Variants in ZNF544 observed in about 807,000 individuals in gnomAD.
ZNF544 encodes zinc finger protein AF020591.
In ZNF544, 10 loss-of-function variants were observed where a neutral mutation model predicts 13.5. That is an observed-to-expected ratio of 0.74 (90% confidence interval 0.46 to 1.25). ZNF544 has a LOEUF of 1.25. ZNF544 is among the 50% of genes most tolerant of loss of function. The pLI, the probability that ZNF544 is intolerant of heterozygous loss-of-function variation, is 0.00. For synonymous variants in ZNF544, 323 were observed against 300.5 expected (o/e 1.07, Z -0.77); for missense variants, 896 against 845.6 (o/e 1.06, Z -0.74).
At chr19:58,269,134 C>T (rs775581007) in intron 5 of ZNF544, among the ~76,000 whole-genome samples, 6 of 152,156 alleles carry the variant, frequency 3.9e-5, no homozygotes, top group East Asian at 1.9e-4. Context: ...GAGAACACCA[C>T]GACTAAAAAC....
At chr19:58,277,430 TAAC>T (rs1460957608) in exon 7 of ZNF544, 5 of 410,384 alleles carry the variant, frequency 1.2e-5, no homozygotes, top group Non-Finnish European at 1.7e-5. Flanking sequence ...GGTGAGCAAA[TAAC>T]AAGTAACTAT....
chr19:58,270,578 G>T (rs1678483907), intron 5 of ZNF544, among the ~76,000 whole-genome samples: 1 of 152,138 alleles, frequency 6.6e-6, no homozygotes, highest in Non-Finnish European at 1.5e-5. Context: ...GGGATTACAG[G>T]GATGAGCCAT....
At chr19:58,242,367 T>C in intron 3 of ZNF544, 4 of 813,056 alleles carry the variant, frequency 4.9e-6, no homozygotes, top group Non-Finnish European at 5.9e-6. Flanking sequence ...ATTCATGGCT[T>C]GATACTTGAT....
At chr19:58,270,013 C>T (rs2449632) in intron 5 of ZNF544, among the ~76,000 whole-genome samples, 79,157 of 151,868 alleles carry the variant, frequency 0.52, 20,944 homozygotes, top group Middle Eastern at 0.64. Flanking sequence ...AGGAATAGGG[C>T]AAGAAAAGGA....
chr19:58,241,249 C>G (rs936675775), intron 3 of ZNF544, among the ~76,000 whole-genome samples: 7 of 106,968 alleles, frequency 6.5e-5, no homozygotes, highest in Non-Finnish European at 1.2e-4. Flanking sequence ...TGGGCTCAAA[C>G]GATGCTTCCG....
intron 3 of ZNF544, chr19:58,242,388 AT>A (rs796487364): frequency 0.072 from 37,697 of 523,550 alleles, no homozygotes; most frequent in Non-Finnish European, 0.084. Context: ...ATTCCAGGGA[AT>A]TTTTTTTTTT....
At chr19:58,273,689 CAAAA>C (rs919160966) in intron 5 of ZNF544, among the ~76,000 whole-genome samples, 4 of 60,396 alleles carry the variant, frequency 6.6e-5, no homozygotes, top group Non-Finnish European at 1.1e-4. Context: ...GACTCTGTCT[CAAAA>C]AAAAAAAAAA....
At chr19:58,266,306 C>CAGG (rs1305593275), downstream of ZNF544, among the ~76,000 whole-genome samples, 4 of 148,318 alleles carry the variant, frequency 2.7e-5, no homozygotes, top group East Asian at 2.0e-4. Flanking sequence ...ATCACGAGGT[C>CAGG]AGATCAAGAC....
At chr19:58,266,235 A>AAAG (rs1304231167), downstream of ZNF544, among the ~76,000 whole-genome samples, 11 of 147,280 alleles carry the variant, frequency 7.5e-5, no homozygotes, top group African/African-American at 2.0e-4. Flanking sequence ...AAAAAAAAAA[A>AAAG]GGGCTGTGTG....
Position 58,261,888 on chromosome 19 carries a change from C to T in ZNF544, c.1282C>T (p.Arg428Ter), listed in dbSNP as rs752467472. 4.3e-5 allele frequency: 69 copies of T among 1,612,326 alleles called. No homozygotes were observed. The highest frequency in any genetic ancestry group is 2.0e-4 in the East Asian group (9 of 44,826). The change falls in exon 7 of 7, where the codon CGA becomes TGA. Residue 428 changes from arginine (R) to a stop codon, truncating the protein, a stop_gained. Coordinates refer to ENST00000687789, the MANE Select transcript of ZNF544 (RefSeq NM_014480.4). LOFTEE classifies it low-confidence loss of function (END_TRUNC). Reference protein sequence around the residue: ...TQRSKLITHQRIHTGEKPYQC... With the variant: ...TQRSKLITHQ ...GAGATCCAAACTTATTACACATCAG[C>T]GAATTCACACTGGAGAAAAACCGTA... is the stretch of plus-strand genomic sequence containing the variant.
chr19:58,235,082 G>A (rs1457945005), intron 3 of ZNF544, among the ~76,000 whole-genome samples: 1 of 152,204 alleles, frequency 6.6e-6, no homozygotes, highest in Non-Finnish European at 1.5e-5. Flanking sequence ...GTTCCGAAAT[G>A]TGTCGTTAGG....
At chr19:58,245,091 G>C (rs2044805753) in intron 4 of ZNF544, among the ~76,000 whole-genome samples, 1 of 151,922 alleles carries the variant, frequency 6.6e-6, no homozygotes, top group Admixed American at 6.6e-5. Flanking sequence ...GGGATTACAG[G>C]TGCCCGCCAC....
At chr19:58,267,827 A>G (rs1241527957), downstream of ZNF544, 1 of 151,716 alleles carries the variant, frequency 6.6e-6, no homozygotes, top group Non-Finnish European at 1.5e-5. Context: ...TAAAAATACA[A>G]AAAATTAGCT....
At chr19:58,233,236 G>A (rs1271998245) in intron 3 of ZNF544, among the ~76,000 whole-genome samples, 3 of 152,222 alleles carry the variant, frequency 2.0e-5, no homozygotes, top group African/African-American at 4.8e-5. Flanking sequence ...AACATGACAC[G>A]TGGGAATTAT....
intron 5 of ZNF544, among the ~76,000 whole-genome samples, chr19:58,270,326 G>A (rs1371826579): frequency 7.2e-6 from 1 of 138,984 alleles, no homozygotes; most frequent in Non-Finnish European, 1.5e-5. Flanking sequence ...TTTTTTTTGA[G>A]AAGGAGTCTC....
chr19:58,268,443 TGG>T (rs759024214), downstream of ZNF544, among the ~76,000 whole-genome samples: 945 of 152,378 alleles, frequency 6.2e-3, 5 homozygotes, highest in Non-Finnish European at 8.9e-3. Context: ...GCTTGTTGCC[TGG>T]TGCTGCAAAG....
downstream of ZNF544, among the ~76,000 whole-genome samples, chr19:58,266,231 AAAAAG>A (rs2049865188): frequency 6.7e-6 from 1 of 149,242 alleles, no homozygotes; most frequent in Non-Finnish European, 1.5e-5. Flanking sequence ...AAAAAAAAAA[AAAAAG>A]GGCTGTGTGC....
At chr19:58,243,943 C>G (rs1412627325) in intron 3 of ZNF544, 22 bp from the exon 4 acceptor site, 1 of 1,530,072 alleles carries the variant, frequency 6.5e-7, no homozygotes, top group Non-Finnish European at 8.8e-7. Flanking sequence ...GGGGCTGAAT[C>G]TCTGCTTGTT....
rs2049332879 is a variant in ZNF544 at position 58,263,087 on chromosome 19, T to G, written c.*333T>G. On this transcript the variant is annotated 3_prime_UTR_variant, in exon 7 of 7. Transcript: ENST00000687789. Reference sequence around the variant, plus strand: ...TACTGGAGAGAAGCCCTGTGAATGTTAACAAATGTGGAAAAGCTTCCAGTT... The same window carrying G: ...TACTGGAGAGAAGCCCTGTGAATGTGAACAAATGTGGAAAAGCTTCCAGTT... 3 of 1,063,134 alleles carry G rather than the reference T, an allele frequency of 2.8e-6. No individual in the cohort carries two copies. In the Admixed American group the frequency reaches 1.4e-4, roughly 51 times the overall value. The allele number at this position is 1,063,134 out of a possible 1,614,324, so 65.9% of individuals were successfully genotyped here.
Sources: allele counts gnomAD v4.1 joint callset (sites outside exome capture counted in the v4.1 genomes callset), GRCh38; gene constraint gnomAD v4.1.1; transcripts MANE v1.5; gene names NCBI Gene and HGNC (gene_info 2026-07-23, HGNC 2026-07-21).